YPEL2: variants seen among roughly 807,000 people sequenced by gnomAD.
YPEL2 encodes the protein protein yippee-like 2.
Under a neutral mutation model 19.1 loss-of-function variants are expected in YPEL2, and 2 were observed. The ratio of observed to expected loss-of-function variants is 0.10; its 90% CI spans 0.04 to 0.33. The LOEUF is 0.33. YPEL2 is among the 10% of genes least tolerant of loss of function. YPEL2 has a pLI of 1.00. For synonymous variants in YPEL2, 52 were observed against 50.0 expected, an observed-to-expected ratio of 1.04 and a Z score of -0.17; for missense variants, 66 against 140.7, an observed-to-expected ratio of 0.47 and a Z score of 2.68.
intron 1 of YPEL2, among the ~76,000 whole-genome samples, chr17:59,352,748 G>A (rs1456988807): frequency 1.3e-5 from 2 of 152,172 alleles, no homozygotes; most frequent in Non-Finnish European, 1.5e-5. Context: ...GGCTTCAAGC[G>A]TTGGACTCTT....
intron 2 of YPEL2, among the ~76,000 whole-genome samples, chr17:59,365,492 C>T (rs879368044): frequency 7.9e-5 from 12 of 152,192 alleles, no homozygotes; most frequent in South Asian, 4.1e-4. Context: ...GCAGCCCAGG[C>T]GGCTGGAAGA....
intron 2 of YPEL2, among the ~76,000 whole-genome samples, chr17:59,368,568 G>A (rs1282049800): frequency 6.6e-6 from 1 of 152,210 alleles, no homozygotes; most frequent in Non-Finnish European, 1.5e-5. Flanking sequence ...TGGACAAGAA[G>A]ACGAAGACAA....
intron 1 of YPEL2, among the ~76,000 whole-genome samples, chr17:59,346,032 C>T (rs1567733279): frequency 6.6e-6 from 1 of 152,202 alleles, no homozygotes; most frequent in Non-Finnish European, 1.5e-5. Flanking sequence ...GGGCACAGGT[C>T]TCTCTGTGCT....
chr17:59,381,708 A>G (rs1166502658), intron 2 of YPEL2, among the ~76,000 whole-genome samples: 1 of 152,168 alleles, frequency 6.6e-6, no homozygotes, highest in Non-Finnish European at 1.5e-5. Context: ...TTTACTTTAA[A>G]GGACAGAAGA....
rs1297365469 is a variant in YPEL2 at position 59,369,109 on chromosome 17, C to T, written c.117+15583C>T. ...CTGTCTCATCTGACACTCCTGGCTT[C>T]TTGAGTAAGGCTCCCCAAATCATTG... On this transcript the variant is annotated intron_variant, in intron 2 of 4. Transcript: ENST00000312655. 2.0e-5 allele frequency among the ~76,000 whole-genome samples: 3 copies of T among 151,886 alleles called. No homozygotes were observed. In the East Asian group the frequency reaches 5.8e-4, roughly 29 times the overall value.
At chr17:59,381,440 G>A (rs2047948738) in intron 2 of YPEL2, among the ~76,000 whole-genome samples, 1 of 152,178 alleles carries the variant, frequency 6.6e-6, no homozygotes. Context: ...GGAGAAGTCT[G>A]TTCAAGTGAA....
intron 1 of YPEL2, among the ~76,000 whole-genome samples, chr17:59,339,530 A>C (rs140436820): frequency 6.6e-6 from 1 of 152,226 alleles, no homozygotes; most frequent in African/African-American, 2.4e-5. Flanking sequence ...TTGAGCTGAG[A>C]GTCTGAGGGT....
intron 1 of YPEL2, among the ~76,000 whole-genome samples, chr17:59,342,387 T>C (rs577047323): frequency 6.6e-6 from 1 of 152,344 alleles, no homozygotes; most frequent in Admixed American, 6.5e-5. Context: ...ATGTGTGGCA[T>C]AGGGGAGCCT....
At chr17:59,350,670 G>T (rs975349444) in intron 1 of YPEL2, among the ~76,000 whole-genome samples, 1 of 152,322 alleles carries the variant, frequency 6.6e-6, no homozygotes, top group Middle Eastern at 3.4e-3. Flanking sequence ...TAAGTTTCGG[G>T]ATTCAGATTT....
At chr17:59,349,703 C>CA (rs1048628202) in intron 1 of YPEL2, among the ~76,000 whole-genome samples, 11 of 152,084 alleles carry the variant, frequency 7.2e-5, no homozygotes, top group Non-Finnish European at 1.6e-4. Context: ...GCACTGTCAC[C>CA]AGACTGGAGT....
At chr17:59,379,043 C>T (rs1255428406) in intron 2 of YPEL2, among the ~76,000 whole-genome samples, 1 of 152,228 alleles carries the variant, frequency 6.6e-6, no homozygotes, top group Non-Finnish European at 1.5e-5. Flanking sequence ...GAAGTTCTTC[C>T]TTTATAATTA....
At chr17:59,371,732 C>G (rs910286009) in intron 2 of YPEL2, among the ~76,000 whole-genome samples, 7 of 152,168 alleles carry the variant, frequency 4.6e-5, no homozygotes, top group African/African-American at 1.7e-4. Flanking sequence ...CAGACTGGGG[C>G]CTTGGGAATT....
chr17:59,349,358 C>CTTTTTTTTTTTT (rs58304283), intron 1 of YPEL2, among the ~76,000 whole-genome samples: 39 of 119,228 alleles, frequency 3.3e-4, no homozygotes, highest in African/African-American at 8.9e-4. Context: ...CCTTTTTTTT[C>CTTTTTTTTTTTT]TTTTTTTTTT....
rs544144430 is a variant in YPEL2 at position 59,340,356 on chromosome 17, G to A, written c.-196+8532G>A. ...ACTCCTGACCTCAGGTGATCCACCC[G>A]CCTTGGCCTCCCAAAGTGCTGGGAT... On this transcript the variant is annotated intron_variant, in intron 1 of 4. Coordinates refer to ENST00000312655, the MANE Select transcript of YPEL2 (RefSeq NM_001005404.4). Among the ~76,000 whole-genome samples, 18 of 151,848 alleles carry A rather than the reference G, an allele frequency of 1.2e-4. No homozygotes were observed. The South Asian group carries it at 3.3e-3, about 28-fold the overall frequency.
intron 3 of YPEL2, chr17:59,388,767 GCA>G (rs1299042170): frequency 1.4e-5 from 3 of 217,624 alleles, no homozygotes; most frequent in African/African-American, 4.6e-5. Context: ...TCGGGCAGAT[GCA>G]CAGTTTCCAG....
Position 59,401,226 on chromosome 17 carries a change from C to G in YPEL2, c.*4036C>G, listed in dbSNP as rs2147964981. ...AGGCTGAGAAATCAAATCTTGAACA[C>G]AATCAACTTACATATTTTAAAGGAA... On this transcript the variant is annotated 3_prime_UTR_variant, in exon 5 of 5. Coordinates refer to ENST00000312655, the MANE Select transcript of YPEL2 (RefSeq NM_001005404.4). 1 of 151,832 alleles carries G rather than the reference C, an allele frequency of 6.6e-6. No individual in the cohort carries two copies. The highest frequency in any genetic ancestry group is 1.9e-4 in the East Asian group (1 of 5,162). 9.4% of individuals were successfully genotyped at this position (151,832 alleles called of 1,614,324 possible). A position where few individuals can be genotyped will look rare whatever the true frequency, so the allele number is the denominator to read the frequency against.
At chr17:59,346,144 G>A (rs2047754805) in intron 1 of YPEL2, among the ~76,000 whole-genome samples, 1 of 151,964 alleles carries the variant, frequency 6.6e-6, no homozygotes, top group Non-Finnish European at 1.5e-5. Context: ...TCTTTTTTCT[G>A]TCTCCCACTC....
At chr17:59,338,637 G>A (rs920130096) in intron 1 of YPEL2, among the ~76,000 whole-genome samples, 1 of 152,162 alleles carries the variant, frequency 6.6e-6, no homozygotes, top group Admixed American at 6.5e-5. Flanking sequence ...GTGAGATGGG[G>A]AAAGAGGGCA....
chr17:59,368,433 T>TA (rs2047881252), intron 2 of YPEL2, among the ~76,000 whole-genome samples: 1 of 152,208 alleles, frequency 6.6e-6, no homozygotes, highest in African/African-American at 2.4e-5. Flanking sequence ...GGCAAATAGA[T>TA]AAACAGTGAT....
Sources: allele counts gnomAD v4.1 joint callset (sites outside exome capture counted in the v4.1 genomes callset), GRCh38; gene constraint gnomAD v4.1.1; transcripts MANE v1.5; gene names NCBI Gene and HGNC (gene_info 2026-07-23, HGNC 2026-07-21).